The following GPC5 variants were observed in gnomAD, a reference collection of about 807,000 sequenced individuals.
The protein encoded by GPC5 is glypican 5.
A neutral mutation model predicts 53.9 loss-of-function variants in GPC5; 47 were observed. That is an observed-to-expected ratio of 0.87 (90% CI 0.69 to 1.11). The LOEUF is 1.11. GPC5 is among the 50% of genes most tolerant of loss of function. The pLI is 0.00. For synonymous variants in GPC5, 286 were observed against 263.3 expected (o/e 1.09, Z -0.84); for missense variants, 748 against 713.1 (o/e 1.05, Z -0.56).
chr13:91,420,106 T>A (rs905758409), intron 1 of GPC5, among the ~76,000 whole-genome samples: 2 of 152,162 alleles, frequency 1.3e-5, no homozygotes, highest in African/African-American at 4.8e-5. Flanking sequence ...GATCCTGGTA[T>A]CCTAAGGATT....
chr13:92,610,974 T>TG (rs1342634405), intron 7 of GPC5, among the ~76,000 whole-genome samples: 9 of 151,538 alleles, frequency 5.9e-5, no homozygotes, highest in Non-Finnish European at 1.2e-4. Flanking sequence ...ACATATTTTT[T>TG]TTTTTTTTTT....
chr13:92,706,040 A>G (rs562536188), intron 7 of GPC5: 1 of 152,240 alleles, frequency 6.6e-6, no homozygotes, highest in African/African-American at 2.4e-5. Context: ...GTCAACCATT[A>G]TTGTGCCCTG....
At chr13:92,444,644 G>C (rs1185076376) in intron 7 of GPC5, among the ~76,000 whole-genome samples, 1 of 147,894 alleles carries the variant, frequency 6.8e-6, no homozygotes, top group South Asian at 2.2e-4. Flanking sequence ...GAAAACCTAG[G>C]AGAGTAATAA....
intron 2 of GPC5, among the ~76,000 whole-genome samples, chr13:91,520,321 T>A (rs1885735422): frequency 6.6e-6 from 1 of 152,224 alleles, no homozygotes. Flanking sequence ...CTTGGCTAGT[T>A]TCCTGGTCCC....
At chr13:91,572,256 CAT>C (rs1426222066) in intron 2 of GPC5, among the ~76,000 whole-genome samples, 1 of 140,604 alleles carries the variant, frequency 7.1e-6, no homozygotes, top group East Asian at 2.0e-4. Flanking sequence ...TATATATACA[CAT>C]ATGTATATAC....
intron 2 of GPC5, among the ~76,000 whole-genome samples, chr13:91,612,725 A>C (rs931759970): frequency 4.6e-5 from 7 of 152,184 alleles, no homozygotes; most frequent in Non-Finnish European, 1.0e-4. Flanking sequence ...GATATTCTTG[A>C]GTATTAAGTT....
chr13:92,448,847 ATTCCTGCTT>A (rs1877938921), intron 7 of GPC5: 1 of 122,412 alleles, frequency 8.2e-6, no homozygotes, highest in Admixed American at 8.1e-5. Flanking sequence ...ACTTTGAGAG[ATTCCTGCTT>A]AATGGTATAA....
chr13:91,895,823 T>C (rs1239872761), intron 5 of GPC5, among the ~76,000 whole-genome samples: 1 of 152,120 alleles, frequency 6.6e-6, no homozygotes, highest in Non-Finnish European at 1.5e-5. Context: ...GTTCTCTTAC[T>C]GTTGTGGAGA....
chr13:91,763,371 T>G (rs957575432), intron 5 of GPC5, among the ~76,000 whole-genome samples: 1 of 152,082 alleles, frequency 6.6e-6, no homozygotes, highest in Admixed American at 6.6e-5. Context: ...GAATCTGAAA[T>G]GTTTTGGGTT....
chr13:92,207,490 C>G (rs1388052180), intron 7 of GPC5, among the ~76,000 whole-genome samples: 1 of 152,212 alleles, frequency 6.6e-6, no homozygotes, highest in Non-Finnish European at 1.5e-5. Context: ...CCTACACTAT[C>G]TGCTTTTCCC....
chr13:92,068,816 G>C (rs1202161027), intron 6 of GPC5, among the ~76,000 whole-genome samples: 1 of 151,188 alleles, frequency 6.6e-6, no homozygotes, highest in Non-Finnish European at 1.5e-5. Flanking sequence ...TTAAAATTAA[G>C]GTATAATTCA....
chr13:92,241,738 A>G (rs1466526214), intron 7 of GPC5: 1 of 152,168 alleles, frequency 6.6e-6, no homozygotes, highest in African/African-American at 2.4e-5. Flanking sequence ...CTCTATTTTC[A>G]TCTAAAAGTA....
At chr13:92,106,447 G>C (rs147238615) in intron 6 of GPC5, among the ~76,000 whole-genome samples, 375 of 151,898 alleles carry the variant, frequency 2.5e-3, no homozygotes, top group Admixed American at 5.7e-3. Flanking sequence ...CTGAACTGAG[G>C]GTTTTCACTT....
intron 7 of GPC5, among the ~76,000 whole-genome samples, chr13:92,674,448 T>C (rs1483758227): frequency 6.6e-6 from 1 of 152,018 alleles, no homozygotes; most frequent in Non-Finnish European, 1.5e-5. Flanking sequence ...AACAAAATCA[T>C]AGGAATAGCA....
intron 2 of GPC5, among the ~76,000 whole-genome samples, chr13:91,617,876 G>C (rs1266435025): frequency 6.6e-6 from 1 of 152,136 alleles, no homozygotes; most frequent in African/African-American, 2.4e-5. Flanking sequence ...CTTGTAGTGA[G>C]AAAGCAGCCA....
At chr13:92,137,679 G>A (rs1566451419) in intron 6 of GPC5, among the ~76,000 whole-genome samples, 1 of 152,100 alleles carries the variant, frequency 6.6e-6, no homozygotes, top group Non-Finnish European at 1.5e-5. Context: ...AGGCTTTAGT[G>A]CAGTGATGCA....
chr13:91,679,988 T>G (rs1272043250), intron 2 of GPC5, among the ~76,000 whole-genome samples: 2 of 152,220 alleles, frequency 1.3e-5, no homozygotes, highest in African/African-American at 4.8e-5. Flanking sequence ...AATTCAGACT[T>G]AAGTATTTGG....
chr13:91,628,480 ATCTGTCTG>A (rs56957789), intron 2 of GPC5, among the ~76,000 whole-genome samples: 2 of 149,058 alleles, frequency 1.3e-5, no homozygotes, highest in African/African-American at 4.9e-5. Context: ...ATTTGTATCT[ATCTGTCTG>A]TCTGTCTGTC....
At chr13:91,721,918 C>A in intron 3 of GPC5, among the ~76,000 whole-genome samples, 1 of 152,176 alleles carries the variant, frequency 6.6e-6, no homozygotes, top group South Asian at 2.1e-4. Flanking sequence ...TTCATCAAGA[C>A]TTAAAGTTGT....
Sources: allele counts gnomAD v4.1 joint callset (sites outside exome capture counted in the v4.1 genomes callset), GRCh38; gene constraint gnomAD v4.1.1; transcripts MANE v1.5; gene names NCBI Gene and HGNC (gene_info 2026-07-23, HGNC 2026-07-21).